EBF2: variants seen among roughly 807,000 people sequenced by gnomAD.
EBF2 encodes the protein transcription factor COE2.
A neutral mutation model predicts 72.8 loss-of-function variants in EBF2; 21 were observed. That is an observed-to-expected ratio of 0.29 (90% CI 0.20 to 0.42). The LOEUF (loss-of-function observed/expected upper bound fraction) is 0.42. Ranked by LOEUF, EBF2 falls within the 10% of genes least tolerant of loss-of-function variation. EBF2 has a pLI of 1.00. For missense variants in EBF2, 637 were observed against 731.2 expected, an observed-to-expected ratio of 0.87 and a Z score of 1.49; for synonymous variants, 299 against 274.2, an observed-to-expected ratio of 1.09 and a Z score of -0.89.
intron 10 of EBF2, among the ~76,000 whole-genome samples, chr8:25,873,548 G>A (rs942580210): frequency 1.3e-5 from 2 of 152,204 alleles, no homozygotes; most frequent in Non-Finnish European, 2.9e-5. Flanking sequence ...ACATTATTAA[G>A]AGGCGGTACC....
At chr8:25,916,422 C>G (rs541227920) in intron 6 of EBF2, among the ~76,000 whole-genome samples, 1 of 152,090 alleles carries the variant, frequency 6.6e-6, no homozygotes, top group South Asian at 2.1e-4. Context: ...AGTAAGTCTG[C>G]TTCTTCACCT....
chr8:25,929,844 T>C (rs943257916), intron 6 of EBF2, among the ~76,000 whole-genome samples: 2 of 151,212 alleles, frequency 1.3e-5, no homozygotes, highest in African/African-American at 4.9e-5. Flanking sequence ...GGAAATGGGG[T>C]AGAAAGGGCT....
At chr8:25,886,539 G>A (rs1363086337) in intron 10 of EBF2, among the ~76,000 whole-genome samples, 1 of 152,174 alleles carries the variant, frequency 6.6e-6, no homozygotes, top group Non-Finnish European at 1.5e-5. Flanking sequence ...GAAATGAGCT[G>A]CTGTGATCTC....
chr8:25,850,534 G>A, intron 15 of EBF2, 60 bp downstream of exon 15: 1 of 1,460,238 alleles, frequency 6.8e-7, no homozygotes, highest in Non-Finnish European at 9.0e-7. Context: ...TGTGCTGTTT[G>A]CTCTTACTTT....
chr8:25,911,133 G>C (rs1450868601), intron 6 of EBF2, among the ~76,000 whole-genome samples: 1 of 151,996 alleles, frequency 6.6e-6, no homozygotes, highest in African/African-American at 2.4e-5. Context: ...AACTTACAGG[G>C]AACAAATTCT....
At chr8:25,846,324 A>G (rs1423547885) in intron 15 of EBF2, among the ~76,000 whole-genome samples, 1 of 152,096 alleles carries the variant, frequency 6.6e-6, no homozygotes, top group East Asian at 1.9e-4. Flanking sequence ...ATCAACTGGA[A>G]GCAGCTGATA....
At position 25,913,747 on chromosome 8, in the gene EBF2, T is replaced by C. The variant is rs538175167; in HGVS notation, c.552-5192A>G. Among the ~76,000 whole-genome samples, 3 of 152,256 alleles carry C rather than the reference T, an allele frequency of 2.0e-5. No individual in the cohort carries two copies. In the South Asian group the frequency reaches 6.2e-4, roughly 32 times the overall value. On this transcript the variant is annotated intron_variant, in intron 6 of 15. Coordinates refer to ENST00000520164, the MANE Select transcript of EBF2 (RefSeq NM_022659.4). Reference sequence around the variant, plus strand: ...ATGATGGTCACATAAGCAGGCTAGGTCACTAAAGGCTGAGTCAAACGTACA... The same window carrying C: ...ATGATGGTCACATAAGCAGGCTAGGCCACTAAAGGCTGAGTCAAACGTACA...
In EBF2 at chr8:26,044,748, C is replaced by G. The variant is rs748650617; in HGVS notation, c.112G>C (p.Ala38Pro). The G allele has an allele frequency of 1.9e-6, 3 of 1,614,112 alleles. No individual in the cohort carries two copies. Among genetic ancestry groups the G allele is most frequent in the Non-Finnish European group, 2.5e-6 (3 of 1,180,014 alleles). Residue 38 changes from alanine (A) to proline (P), a missense_variant, in exon 1 of 16, where the codon GCT becomes CCT. Transcript: ENST00000520164. This position sits in a 1 kb window ranked among gnomAD's most constrained non-coding sequence, Gnocchi z 4.1. The part of the protein sequence containing the change: ...SWVRNVGVVD[A>P]NVAAQSGVAL... Reference sequence around the variant, plus strand: ...CGTTACCTCTGCGCGGCGACATTAGCGTCCACCACTCCGACATTCCGGACC... The same window carrying G: ...CGTTACCTCTGCGCGGCGACATTAGGGTCCACCACTCCGACATTCCGGACC...
intron 6 of EBF2, among the ~76,000 whole-genome samples, chr8:26,023,167 T>G (rs955401758): frequency 1.3e-5 from 2 of 152,290 alleles, no homozygotes; most frequent in African/African-American, 4.8e-5. Flanking sequence ...AAGAAGATAA[T>G]AACTGGCAGT....
intron 6 of EBF2, among the ~76,000 whole-genome samples, chr8:25,935,410 T>C (rs1391914180): frequency 1.3e-5 from 2 of 152,148 alleles, no homozygotes; most frequent in East Asian, 1.9e-4. Context: ...GCCGCATCAA[T>C]AAAGCTGAAC....
At chr8:25,927,798 T>C (rs934225194) in intron 6 of EBF2, among the ~76,000 whole-genome samples, 1 of 152,186 alleles carries the variant, frequency 6.6e-6, no homozygotes, top group Non-Finnish European at 1.5e-5. Flanking sequence ...TATAATATTG[T>C]TATTATAGTG....
intron 14 of EBF2, among the ~76,000 whole-genome samples, chr8:25,853,405 G>A (rs572231512): frequency 2.4e-4 from 37 of 152,134 alleles, no homozygotes; most frequent in African/African-American, 7.9e-4. Flanking sequence ...GAATAAAAAT[G>A]ACCAAGAGAG....
intron 9 of EBF2, 73 bp from the exon 10 acceptor site, chr8:25,886,954 A>G (rs1235130595): frequency 7.9e-6 from 12 of 1,511,178 alleles, no homozygotes; most frequent in African/African-American, 1.4e-5. Context: ...GGTGTACAAC[A>G]TCTCCCACTA....
Position 25,844,351 on chromosome 8 carries a change from G to T in EBF2, c.*258C>A. On this transcript the variant is annotated 3_prime_UTR_variant, in exon 16 of 16. Coordinates refer to ENST00000520164, the MANE Select transcript of EBF2 (RefSeq NM_022659.4). ...TGGTTTTCATAATGTTCATAACAAA[G>T]AATTGCATTTCTGCTCTTAGCACTG... 1 of 368,700 alleles carries T rather than the reference G, an allele frequency of 2.7e-6. No individual in the cohort carries two copies. The highest frequency in any genetic ancestry group is 4.9e-6 in the Non-Finnish European group (1 of 203,930). 22.8% of individuals were successfully genotyped at this position (368,700 alleles called of 1,614,324 possible).
At chr8:25,955,850 C>T (rs960014577) in intron 6 of EBF2, among the ~76,000 whole-genome samples, 47 of 152,162 alleles carry the variant, frequency 3.1e-4, no homozygotes, top group Admixed American at 1.6e-3. Context: ...ATGAGACTAC[C>T]TTCTGTGTTT....
intron 6 of EBF2, among the ~76,000 whole-genome samples, chr8:25,923,970 T>C (rs1283729693): frequency 6.6e-6 from 1 of 152,196 alleles, no homozygotes; most frequent in Non-Finnish European, 1.5e-5. Context: ...TGAAGATAAA[T>C]GTCATCTACT....
chr8:25,934,457 T>C (rs1433219045), intron 6 of EBF2, among the ~76,000 whole-genome samples: 5 of 152,204 alleles, frequency 3.3e-5, no homozygotes, highest in East Asian at 1.9e-4. Flanking sequence ...GAAGACATCA[T>C]TGCCGTTTTC....
At position 25,861,092 on chromosome 8, in the gene EBF2, C is replaced by T. The variant is rs958758142; in HGVS notation, c.1299G>A (p.Gln433=). 1 of 1,614,140 alleles carries T rather than the reference C, an allele frequency of 6.2e-7. No individual in the cohort carries two copies. The highest frequency in any genetic ancestry group is 8.5e-7 in the Non-Finnish European group (1 of 1,180,014). The part of the protein sequence containing the change: ...GMMGINSYGS[Q]LGVSISESTQ... ...TTGACTCTGAGATGCTGACCCCAAGCTGGCTGCCATAGGAGTTGATTCCCA... is the reference window on the plus strand; with the variant it reads ...TTGACTCTGAGATGCTGACCCCAAGTTGGCTGCCATAGGAGTTGATTCCCA... Residue 433 remains glutamine, a synonymous_variant, in exon 13 of 16, where the codon CAG becomes CAA. Coordinates refer to ENST00000520164, the MANE Select transcript of EBF2 (RefSeq NM_022659.4).
intron 4 of EBF2, 43 bp from the exon 5 acceptor site, chr8:26,040,144 G>T (rs1805574023): frequency 5.0e-6 from 8 of 1,593,778 alleles, no homozygotes; most frequent in African/African-American, 1.3e-5. Context: ...GTGGAGAGGG[G>T]TGGGGGGCAA....
Sources: gnomAD v4.1 joint callset for allele counts (sites outside exome capture counted in the v4.1 genomes callset) on GRCh38, gnomAD v4.1.1 for gene constraint, Gnocchi (gnomAD v3.1) non-coding constraint, MANE v1.5 for transcripts, NCBI Gene and HGNC (gene_info 2026-07-23, HGNC 2026-07-21) for gene names.